The following SUSD6 variants were observed in gnomAD, a reference collection of about 807,000 sequenced individuals.
SUSD6 encodes the protein sushi domain-containing protein 6.
In SUSD6, 16 loss-of-function variants were observed where a neutral mutation model predicts 28.4. That is an observed-to-expected ratio of 0.56 (90% CI 0.38 to 0.86). SUSD6 has a LOEUF of 0.86. Ranked by LOEUF, SUSD6 falls within the 40% of genes least tolerant of loss-of-function variation. The probability of loss-of-function intolerance (pLI) is 0.00; values close to 1 mark genes in which losing one functional copy is unlikely to be tolerated. For missense variants in SUSD6, 341 were observed against 384.2 expected, an observed-to-expected ratio of 0.89 and a Z score of 0.94; for synonymous variants, 147 against 159.6, an observed-to-expected ratio of 0.92 and a Z score of 0.59.
intron 4 of SUSD6, among the ~76,000 whole-genome samples, chr14:69,708,388 T>G (rs989117153): frequency 6.6e-6 from 1 of 152,146 alleles, no homozygotes. Context: ...AGAACACAGT[T>G]TTTGGAGGCT....
chr14:69,641,486 C>T (rs148192079), intron 1 of SUSD6, among the ~76,000 whole-genome samples: 4 of 152,110 alleles, frequency 2.6e-5, no homozygotes, highest in African/African-American at 9.6e-5. Context: ...TGCAAATTTA[C>T]TATTTTTTTC....
intron 1 of SUSD6, among the ~76,000 whole-genome samples, chr14:69,650,646 C>G (rs957311900): frequency 3.6e-4 from 55 of 152,180 alleles, no homozygotes; most frequent in Non-Finnish European, 6.6e-4. Flanking sequence ...CCTCCTCCCC[C>G]CTCTTTTTCT....
intron 2 of SUSD6, among the ~76,000 whole-genome samples, chr14:69,689,802 A>G (rs770308456): frequency 6.6e-6 from 1 of 152,212 alleles, no homozygotes; most frequent in Non-Finnish European, 1.5e-5. Flanking sequence ...AGTAGCTGGA[A>G]TTACAGGTGT....
intron 1 of SUSD6, among the ~76,000 whole-genome samples, chr14:69,623,679 A>G (rs1050102569): frequency 2.0e-5 from 3 of 152,224 alleles, no homozygotes; most frequent in African/African-American, 7.2e-5. Context: ...TTTGAAGACT[A>G]CTAGTGAAAT....
intron 1 of SUSD6, among the ~76,000 whole-genome samples, chr14:69,653,981 A>C (rs1265597706): frequency 6.6e-6 from 1 of 152,082 alleles, no homozygotes; most frequent in East Asian, 1.9e-4. Flanking sequence ...AGCCTTACAT[A>C]TAAACACCCC....
At chr14:69,703,022 C>T (rs559856375) in intron 2 of SUSD6, among the ~76,000 whole-genome samples, 1 of 152,296 alleles carries the variant, frequency 6.6e-6, no homozygotes, top group African/African-American at 2.4e-5. Flanking sequence ...AACATTTTTC[C>T]TCCTTTCACT....
intron 1 of SUSD6, among the ~76,000 whole-genome samples, chr14:69,629,752 A>G (rs1322351509): frequency 2.6e-5 from 4 of 152,260 alleles, no homozygotes; most frequent in Non-Finnish European, 5.9e-5. Context: ...TTACAGCACA[A>G]CCAACCCTAA....
At chr14:69,635,595 CCACACA>C (rs3048696) in intron 1 of SUSD6, among the ~76,000 whole-genome samples, 20,273 of 143,450 alleles carry the variant, frequency 0.14, 1,551 homozygotes, top group Middle Eastern at 0.19. Context: ...CCAAGGCACA[CCACACA>C]CACACACACA....
At chr14:69,706,841 A>G (rs73281579) in intron 4 of SUSD6, among the ~76,000 whole-genome samples, 3,781 of 152,224 alleles carry the variant, frequency 0.025, 165 homozygotes, top group African/African-American at 0.085. Flanking sequence ...ACTACTAACA[A>G]CAATCTAGCA....
intron 1 of SUSD6, among the ~76,000 whole-genome samples, chr14:69,651,893 T>C (rs947181050): frequency 1.3e-5 from 2 of 152,232 alleles, no homozygotes; most frequent in Admixed American, 1.3e-4. Context: ...TGGGGAACTT[T>C]GGACTTCAAA....
chr14:69,659,928 G>A (rs1215005878), intron 2 of SUSD6, among the ~76,000 whole-genome samples: 1 of 152,214 alleles, frequency 6.6e-6, no homozygotes, highest in Admixed American at 6.5e-5. Flanking sequence ...TAAAGGACAT[G>A]TTTGGGTGTG....
intron 1 of SUSD6, among the ~76,000 whole-genome samples, chr14:69,620,719 A>T (rs1885024209): frequency 6.6e-6 from 1 of 152,212 alleles, no homozygotes; most frequent in Admixed American, 6.5e-5. Context: ...CTCTGCAGTG[A>T]GCTAGGTCTA....
At chr14:69,649,321 G>A (rs370329243) in intron 1 of SUSD6, among the ~76,000 whole-genome samples, 3 of 152,006 alleles carry the variant, frequency 2.0e-5, no homozygotes, top group African/African-American at 7.3e-5. Flanking sequence ...TTAGCAAATC[G>A]GCTTCCCGGA....
chr14:69,710,865 AG>A (rs1886451945), intron 5 of SUSD6, 88 bp from the exon 6 acceptor site: 47 of 1,215,120 alleles, frequency 3.9e-5, no homozygotes, highest in Non-Finnish European at 5.1e-5. Flanking sequence ...GGGGCTATGT[AG>A]GATAGCCCCT....
intron 2 of SUSD6, among the ~76,000 whole-genome samples, chr14:69,662,506 A>G (rs1258855460): frequency 1.3e-5 from 2 of 152,218 alleles, no homozygotes; most frequent in Non-Finnish European, 2.9e-5. Flanking sequence ...TTAGAGAGGC[A>G]TTGGGTCCAG....
chr14:69,643,089 A>G (rs1885377453), intron 1 of SUSD6, among the ~76,000 whole-genome samples: 1 of 152,158 alleles, frequency 6.6e-6, no homozygotes, highest in Non-Finnish European at 1.5e-5. Context: ...AGTAGGGCTC[A>G]CTGCGTTTTT....
In SUSD6 at chr14:69,699,914, C is replaced by T. The variant is rs116769323; in HGVS notation, c.122-3481C>T. ...TTGAGGAGACCATTTACATAGGGGA[C>T]GAAAGATTGGTTGGACCATGTGTGC... On this transcript the variant is annotated intron_variant, in intron 2 of 5. Transcript: ENST00000342745. Among the ~76,000 whole-genome samples the T allele has an allele frequency of 6.4e-3, 969 of 152,146 alleles. 14 individuals are homozygous for T. Among genetic ancestry groups the T allele is most frequent in the African/African-American group, 0.022 (905 of 41,502 alleles).
chr14:69,697,103 G>A (rs1205120529), intron 2 of SUSD6, among the ~76,000 whole-genome samples: 2 of 152,118 alleles, frequency 1.3e-5, no homozygotes, highest in Non-Finnish European at 2.9e-5. Flanking sequence ...AGACCATATA[G>A]GGTGACTTCC....
Position 69,703,459 on chromosome 14 carries a change from C to T in SUSD6, c.186C>T (p.Asp62=), listed in dbSNP as rs753831671. The change falls in exon 3 of 6, where the codon GAC becomes GAT. Residue 62 remains aspartate (D), a synonymous_variant. Coordinates refer to ENST00000342745, the MANE Select transcript of SUSD6 (RefSeq NM_014734.4). ...GYICHPRPCR[D]PLTAGSVIEY... Reference sequence around the variant, plus strand: ...TCTGCCACCCCCGGCCCTGCAGAGACCCCCTGACAGCAGGCAGTGTCATCG... The same window carrying T: ...TCTGCCACCCCCGGCCCTGCAGAGATCCCCTGACAGCAGGCAGTGTCATCG... 1.2e-6 allele frequency: 2 copies of T among 1,614,110 alleles called. No homozygotes were observed. Among genetic ancestry groups the T allele is most frequent in the Non-Finnish European group, 1.7e-6 (2 of 1,179,966 alleles).
Sources: allele counts gnomAD v4.1 joint callset (sites outside exome capture counted in the v4.1 genomes callset), GRCh38; gene constraint gnomAD v4.1.1; transcripts MANE v1.5; gene names NCBI Gene and HGNC (gene_info 2026-07-23, HGNC 2026-07-21).